Variants in COG5 observed in about 807,000 individuals in gnomAD.
The protein encoded by COG5 is component of oligomeric golgi complex 5.
In COG5, 86 loss-of-function variants were observed where a neutral mutation model predicts 110.4. That is an observed-to-expected ratio of 0.78 (90% CI 0.65 to 0.93). The LOEUF (loss-of-function observed/expected upper bound fraction) is 0.93. Ranked by LOEUF, COG5 falls within the 40% of genes least tolerant of loss-of-function variation. The pLI, the probability that COG5 is intolerant of heterozygous loss-of-function variation, is 0.00. For synonymous variants in COG5, 360 were observed against 334.6 expected (o/e 1.08, Z -0.83); for missense variants, 1,077 against 987.0 (o/e 1.09, Z -1.22).
At chr7:107,361,954 G>A in intron 10 of COG5, 79 bp downstream of exon 10, 1 of 891,352 alleles carries the variant, frequency 1.1e-6, no homozygotes, top group Admixed American at 2.0e-5. Flanking sequence ...CTATAAGGTA[G>A]TAGTAACACA....
At chr7:107,516,199 A>G (rs1002626388) in intron 6 of COG5, among the ~76,000 whole-genome samples, 1 of 152,184 alleles carries the variant, frequency 6.6e-6, no homozygotes, top group African/African-American at 2.4e-5. Context: ...ATAATAGTAT[A>G]CTTTTCATTT....
At chr7:107,562,077 G>C (rs193215846) in intron 1 of COG5, among the ~76,000 whole-genome samples, 8 of 152,342 alleles carry the variant, frequency 5.3e-5, no homozygotes, top group Admixed American at 3.9e-4. Flanking sequence ...TATACGTTGA[G>C]GTTAAATTCA....
Position 107,324,527 on chromosome 7 carries a change from A to C in COG5, c.1027-6T>G. The C allele has an allele frequency of 6.4e-7, 1 of 1,574,798 alleles. No homozygotes were observed. The highest frequency in any genetic ancestry group is 8.7e-7 in the Non-Finnish European group (1 of 1,152,122). On this transcript the variant is annotated splice_region_variant and splice_polypyrimidine_tract_variant and intron_variant, in intron 10 of 21. Transcript: ENST00000297135. ...AAAATTTCCGGTTGTCCATCCTGTGAAGAACAAACAAAAATTTTTTAAAAA... is the reference window on the plus strand; with the variant it reads ...AAAATTTCCGGTTGTCCATCCTGTGCAGAACAAACAAAAATTTTTTAAAAA...
intron 6 of COG5, among the ~76,000 whole-genome samples, chr7:107,446,399 A>C (rs951238928): frequency 5.3e-5 from 8 of 152,160 alleles, no homozygotes; most frequent in African/African-American, 1.9e-4. Context: ...CGGAACTGAC[A>C]GTTTGTCATC....
intron 11 of COG5, 21 bp from the exon 12 acceptor site, chr7:107,298,367 A>G (rs766078188): frequency 1.9e-6 from 3 of 1,580,176 alleles, no homozygotes; most frequent in East Asian, 4.5e-5. Flanking sequence ...AAACAAGAAC[A>G]TGAATTAGAA....
chr7:107,412,199 C>T (rs961123710), intron 7 of COG5, among the ~76,000 whole-genome samples: 3 of 152,134 alleles, frequency 2.0e-5, no homozygotes, highest in Middle Eastern at 3.4e-3. Flanking sequence ...AATGAGGAAT[C>T]GTGCTTTAGA....
At chr7:107,563,607 AG>A (rs1804178172) in intron 1 of COG5, 195 bp downstream of exon 1, 10 of 618,472 alleles carry the variant, frequency 1.6e-5, no homozygotes, top group Non-Finnish European at 3.0e-5. Context: ...CCAAGACTCC[AG>A]AAAAGAGGGA....
chr7:107,406,377 AAC>A (rs1341418879), intron 7 of COG5, among the ~76,000 whole-genome samples: 1 of 152,228 alleles, frequency 6.6e-6, no homozygotes, highest in Non-Finnish European at 1.5e-5. Flanking sequence ...GTTAAATAAC[AAC>A]AGTCATCTAC....
chr7:107,249,959 G>C (rs956272252), intron 16 of COG5, among the ~76,000 whole-genome samples: 1 of 152,054 alleles, frequency 6.6e-6, no homozygotes, highest in African/African-American at 2.4e-5. Context: ...TATATATGGA[G>C]TATAAGTGCC....
At chr7:107,293,959 C>A (rs1158148625) in intron 12 of COG5, among the ~76,000 whole-genome samples, 1 of 152,080 alleles carries the variant, frequency 6.6e-6, no homozygotes, top group Non-Finnish European at 1.5e-5. Context: ...ATAATCCCAG[C>A]TGCTCGGGAG....
At position 107,270,882 on chromosome 7, in the gene COG5, C is replaced by CTTTTT. The variant is rs56971368; in HGVS notation, c.1575+10413_1575+10417dup. On this transcript the variant is annotated intron_variant, in intron 14 of 21. Transcript: ENST00000297135. ...TTATACTTCATTATCCTAACTAGAA[C>CTTTTT]TTTTTTTTTTTTTTTTTTTTTTTTT... is the stretch of plus-strand genomic sequence containing the variant. 1.2e-3 allele frequency among the ~76,000 whole-genome samples: 85 copies of CTTTTT among 68,748 alleles called. 15 individuals carry two copies. Among genetic ancestry groups the CTTTTT allele is most frequent in the Non-Finnish European group, 1.9e-3 (73 of 38,996 alleles). 45.1% of individuals were successfully genotyped at this position (68,748 alleles called of 152,430 possible). A position where few individuals can be genotyped will look rare whatever the true frequency, so the allele number is the denominator to read the frequency against.
chr7:107,239,565 T>C (rs957234360), intron 17 of COG5, among the ~76,000 whole-genome samples: 7 of 152,222 alleles, frequency 4.6e-5, no homozygotes, highest in Non-Finnish European at 1.0e-4. Context: ...TTTAACAATA[T>C]TCTTTCAATT....
rs545080288 is a variant in COG5 at position 107,462,208 on chromosome 7, C to G, written c.539-49576G>C. Among the ~76,000 whole-genome samples the G allele has an allele frequency of 3.9e-5, 6 of 152,246 alleles. No homozygotes were observed. The South Asian group carries it at 1.2e-3, about 32-fold the overall frequency. On this transcript the variant is annotated intron_variant, in intron 6 of 21. Coordinates refer to ENST00000297135, the MANE Select transcript of COG5 (RefSeq NM_006348.5). ...ACTTGAGTACCTGGGGAAGACAATACTAGACACCAGTAAGAATAATTCAGT... is the reference window on the plus strand; with the variant it reads ...ACTTGAGTACCTGGGGAAGACAATAGTAGACACCAGTAAGAATAATTCAGT...
At chr7:107,437,448 G>C (rs1794435939) in intron 6 of COG5, among the ~76,000 whole-genome samples, 1 of 152,120 alleles carries the variant, frequency 6.6e-6, no homozygotes. Flanking sequence ...TAAAAATATA[G>C]AATACTGGTG....
chr7:107,326,678 T>C (rs944488332), intron 10 of COG5, among the ~76,000 whole-genome samples: 1 of 152,156 alleles, frequency 6.6e-6, no homozygotes, highest in African/African-American at 2.4e-5. Context: ...GCATACTGTG[T>C]TATGGGTTGG....
intron 6 of COG5, 86 bp from the exon 7 acceptor site, chr7:107,412,718 A>T: frequency 1.2e-6 from 1 of 863,250 alleles, no homozygotes; most frequent in South Asian, 1.6e-5. Flanking sequence ...TTCTCAAAAA[A>T]AAAAAACAAA....
intron 6 of COG5, among the ~76,000 whole-genome samples, chr7:107,484,906 G>C (rs1028930360): frequency 6.6e-6 from 1 of 152,168 alleles, no homozygotes; most frequent in Non-Finnish European, 1.5e-5. Context: ...CAATCAGACT[G>C]TGTAGAAAGA....
Position 107,486,597 on chromosome 7 carries a change from A to G in COG5, c.538+40640T>C, listed in dbSNP as rs1184825569. Among the ~76,000 whole-genome samples, 10 of 152,332 alleles carry G rather than the reference A, an allele frequency of 6.6e-5. 3 individuals are homozygous for G. Among genetic ancestry groups the G allele is most frequent in the African/African-American group, 2.4e-4 (10 of 41,586 alleles). On this transcript the variant is annotated intron_variant, in intron 6 of 21. Coordinates refer to ENST00000297135, the MANE Select transcript of COG5 (RefSeq NM_006348.5). ...CTATAAAAAAGAAAACACTAAAAAAATCTAGCTGTAAATAGTAATAAGTGA... is the reference window on the plus strand; with the variant it reads ...CTATAAAAAAGAAAACACTAAAAAAGTCTAGCTGTAAATAGTAATAAGTGA...
At chr7:107,505,277 G>T (rs1031998215) in intron 6 of COG5, among the ~76,000 whole-genome samples, 1 of 152,222 alleles carries the variant, frequency 6.6e-6, no homozygotes, top group Non-Finnish European at 1.5e-5. Context: ...GGTGGGGAAA[G>T]GTCCCAGCCT....
Sources: gnomAD v4.1 joint callset for allele counts (sites outside exome capture counted in the v4.1 genomes callset) on GRCh38, gnomAD v4.1.1 for gene constraint, MANE v1.5 for transcripts, NCBI Gene and HGNC (gene_info 2026-07-23, HGNC 2026-07-21) for gene names.